The following APEX1 variants were observed in gnomAD, a reference collection of about 807,000 sequenced individuals.
APEX1 encodes the protein DNA repair nuclease/redox regulator APEX1.
APEX1 carries 32 observed loss-of-function variants against 33.2 expected under a neutral mutation model. The ratio of observed to expected loss-of-function variants is 0.96; its 90% CI spans 0.73 to 1.29. The LOEUF is 1.29. Among genes scored for constraint, APEX1 ranks in the 50% most tolerant of loss-of-function variants. APEX1 has a pLI of 0.00. For synonymous variants in APEX1, 175 were observed against 156.6 expected, an observed-to-expected ratio of 1.12 and a Z score of -0.88; for missense variants, 442 against 395.6, an observed-to-expected ratio of 1.12 and a Z score of -0.99.
In APEX1 at chr14:20,456,796, G is replaced by A. The variant is rs771448375; in HGVS notation, c.375G>A (p.Lys125=). Reference sequence around the variant, plus strand: ...AATACTGGTCAGCTCCTTCGGACAAGGAAGGGTACAGTGGCGTGGGCCTGC... The same window carrying A: ...AATACTGGTCAGCTCCTTCGGACAAAGAAGGGTACAGTGGCGTGGGCCTGC... ...SHQYWSAPSD[K]EGYSGVGLLS... is the part of the protein sequence containing the mutation. The change falls in exon 4 of 5, where the codon AAG becomes AAA. Residue 125 remains lysine (K), a synonymous_variant. Transcript: ENST00000216714. 6.8e-6 allele frequency: 11 copies of A among 1,614,140 alleles called. No individual in the cohort carries two copies. The East Asian group carries it at 1.6e-4, about 23-fold the overall frequency.
rs1677209992 is a variant in APEX1 at position 20,456,129 on chromosome 14, T to C, written c.246+28T>C. 6.8e-6 allele frequency: 11 copies of C among 1,608,318 alleles called. No homozygotes were observed. The Admixed American group carries it at 1.5e-4, about 22-fold the overall frequency. ...GAGTGGAATTTGAGGGAAAGAGACA[T>C]TTTTTAGTATTGAATGGTCTTAGGG... On this transcript the variant is annotated intron_variant, in intron 3 of 4. Coordinates refer to ENST00000216714, the MANE Select transcript of APEX1 (RefSeq NM_001641.4).
Position 20,457,743 on chromosome 14 carries a change from A to C in APEX1, c.*235A>C. 1.7e-6 allele frequency: 1 copy of C among 589,278 alleles called. No individual in the cohort carries two copies. The allele number at this position is 589,278 out of a possible 1,614,324, so 36.5% of individuals were successfully genotyped here. ...TAATGACTTTGTTTGAATTATCCAC[A>C]TGAAAATAAAGAGCCATAGTTTCAG... On this transcript the variant is annotated 3_prime_UTR_variant, in exon 5 of 5. Transcript: ENST00000216714.
chr14:20,457,595 T>C lies in APEX1; in HGVS notation c.*87T>C. The stretch of plus-strand genomic sequence containing the variant: ...AAACACTCTTCAGAGAAATCTGCAT[T>C]CTATTTCTCATGTATAAAACTAGGA... On this transcript the variant is annotated 3_prime_UTR_variant, in exon 5 of 5. Coordinates refer to ENST00000216714, the MANE Select transcript of APEX1 (RefSeq NM_001641.4). 1 of 1,516,352 alleles carries C rather than the reference T, an allele frequency of 6.6e-7. No individual in the cohort carries two copies. The allele number at this position is 1,516,352 out of a possible 1,614,324, so 93.9% of individuals were successfully genotyped here.
Position 20,456,765 on chromosome 14 carries a change from CTCA to C in APEX1, c.348_350del (p.His116del). The C allele has an allele frequency of 6.2e-7, 1 of 1,614,246 alleles. No homozygotes were observed. The highest frequency in any genetic ancestry group is 8.5e-7 in the Non-Finnish European group (1 of 1,180,036). On this transcript the variant is annotated inframe_deletion, in exon 4 of 5. Transcript: ENST00000216714. The stretch of plus-strand genomic sequence containing the variant: ...GAACTTCAGGAGCTGCCTGGACTCT[CTCA>C]TCAATACTGGTCAGCTCCTTCGGAC...
Position 20,457,331 on chromosome 14 carries a change from A to C in APEX1, c.780A>C (p.Thr260=). The C allele has an allele frequency of 6.2e-7, 1 of 1,614,052 alleles. No homozygotes were observed. Among genetic ancestry groups the C allele is most frequent in the Non-Finnish European group, 8.5e-7 (1 of 1,180,008 alleles). Residue 260 remains threonine, a synonymous_variant, in exon 5 of 5, where the codon ACA becomes ACC. Transcript: ENST00000216714. ...GCTTTAGGCACCTCTACCCCAACAC[A>C]CCCTATGCCTACACCTTTTGGACTT... ...ADSFRHLYPN[T]PYAYTFWTYM... is the part of the protein sequence containing the mutation.
In APEX1 at chr14:20,456,633, G is replaced by T. The variant is rs41541122; in HGVS notation, c.247-35G>T. ...TATTCAATAAATGTTCTGCTGAATT[G>T]ATAATACGTTTTCCACCTTTCTTTT... On this transcript the variant is annotated intron_variant, in intron 3 of 4. Transcript: ENST00000216714. The T allele has an allele frequency of 7.7e-3, 12,247 of 1,580,378 alleles. 68 individuals are homozygous for T. The highest frequency in any genetic ancestry group is 9.5e-3 in the Non-Finnish European group (10,918 of 1,150,028).
In APEX1 at chr14:20,457,019, G is replaced by C; in HGVS notation, c.468G>C (p.Arg156=). Residue 156 remains arginine, a synonymous_variant, in exon 5 of 5, where the codon CGG becomes CGC. Transcript: ENST00000216714. ...IGDEEHDQEG[R]VIVAEFDSFV... is the part of the protein sequence containing the mutation. ...ATGAGGAGCATGATCAGGAAGGCCG[G>C]GTGATTGTGGCTGAATTTGACTCGT... is the stretch of plus-strand genomic sequence containing the variant. 1.2e-6 allele frequency: 2 copies of C among 1,614,114 alleles called. No homozygotes were observed. Among genetic ancestry groups the C allele is most frequent in the Non-Finnish European group, 8.5e-7 (1 of 1,179,990 alleles).
intron 1 of APEX1, 48 bp from the exon 2 acceptor site, chr14:20,455,530 G>C (rs998684049): frequency 4.8e-5 from 75 of 1,564,038 alleles, no homozygotes; most frequent in Non-Finnish European, 6.4e-5. Context: ...CTTGGGAGGA[G>C]TCTTCTCCCC....
Position 20,457,093 on chromosome 14 carries a change from G to T in APEX1, c.542G>T (p.Arg181Leu). The T allele has an allele frequency of 1.2e-6, 2 of 1,614,206 alleles. No homozygotes were observed. The highest frequency in any genetic ancestry group is 1.7e-6 in the Non-Finnish European group (2 of 1,180,036). Residue 181 changes from arginine to leucine, a missense_variant, in exon 5 of 5, where the codon CGA becomes CTA. Physicochemically the swap from Arg to Leu is moderately radical, Grantham distance 102. Transcript: ENST00000216714. ...YVPNAGRGLV[R>L]LEYRQRWDEA... ...CCTAATGCAGGCCGAGGTCTGGTAC[G>T]ACTGGAGTACCGGCAGCGCTGGGAT...
In APEX1 at chr14:20,457,724, CT is replaced by C; in HGVS notation, c.*219del. The C allele has an allele frequency of 1.6e-6, 1 of 638,222 alleles. No homozygotes were observed. The highest frequency in any genetic ancestry group is 2.7e-6 in the Non-Finnish European group (1 of 375,940). 39.5% of individuals were successfully genotyped at this position (638,222 alleles called of 1,614,324 possible). On this transcript the variant is annotated 3_prime_UTR_variant, in exon 5 of 5. Coordinates refer to ENST00000216714, the MANE Select transcript of APEX1 (RefSeq NM_001641.4). ...AAAATTGAACAAAGACTACTAATGA[CT>C]TTGTTTGAATTATCCACATGAAAAT... is the stretch of plus-strand genomic sequence containing the variant.
intron 1 of APEX1, 50 bp downstream of exon 1, chr14:20,455,444 G>A (rs1881273051): frequency 1.3e-6 from 1 of 785,088 alleles, no homozygotes; most frequent in Non-Finnish European, 2.1e-6. Context: ...GGGCTGAAGG[G>A]CCTATGATGC....
Position 20,457,343 on chromosome 14 carries a change from C to T in APEX1, c.792C>T (p.Tyr264=), listed in dbSNP as rs749531006. 7 of 1,614,238 alleles carry T rather than the reference C, an allele frequency of 4.3e-6. No individual in the cohort carries two copies. The highest frequency in any genetic ancestry group is 3.3e-5 in the South Asian group (3 of 91,088). The change falls in exon 5 of 5, where the codon TAC becomes TAT. Residue 264 remains tyrosine (Y), a synonymous_variant. Coordinates refer to ENST00000216714, the MANE Select transcript of APEX1 (RefSeq NM_001641.4). Reference sequence around the variant, plus strand: ...TCTACCCCAACACACCCTATGCCTACACCTTTTGGACTTATATGATGAATG... The same window carrying T: ...TCTACCCCAACACACCCTATGCCTATACCTTTTGGACTTATATGATGAATG... The part of the protein sequence containing the change: ...RHLYPNTPYA[Y]TFWTYMMNAR...
intron 3 of APEX1, 102 bp from the exon 4 acceptor site, chr14:20,456,566 A>G (rs2139305385): frequency 8.8e-7 from 1 of 1,132,632 alleles, no homozygotes; most frequent in South Asian, 1.3e-5. Flanking sequence ...TTAGGCCAAG[A>G]GACTGTTTAA....
rs754635292 is a variant in APEX1, at chr14:20,456,020, C to T, written c.165C>T (p.Pro55=). ...YEDPPDQKTS[P]SGKPATLKIC... is the part of the protein sequence containing the mutation. ...ACCCCCCAGATCAGAAAACCTCACC[C>T]AGTGGCAAACCTGCCACACTCAAGA... Residue 55 remains proline, a synonymous_variant, in exon 3 of 5, where the codon CCC becomes CCT. Transcript: ENST00000216714. The T allele has an allele frequency of 6.2e-7, 1 of 1,614,192 alleles. No individual in the cohort carries two copies. The highest frequency in any genetic ancestry group is 8.5e-7 in the Non-Finnish European group (1 of 1,180,044).
rs753254929 is a variant in APEX1 at position 20,455,915 on chromosome 14, G to A, written c.60G>A (p.Glu20=). ...CAGTATATATTACTCATTTTATAGA[G>A]CCAGAGGCCAAGAAGAGTAAGACGG... ...VAEDGDELRT[E]PEAKKSKTAA... Residue 20 remains glutamate (E), a splice_region_variant and synonymous_variant, in exon 3 of 5, where the codon GAG becomes GAA. Coordinates refer to ENST00000216714, the MANE Select transcript of APEX1 (RefSeq NM_001641.4). 17 of 1,613,954 alleles carry A rather than the reference G, an allele frequency of 1.1e-5. No individual in the cohort carries two copies. In the African/African-American group the frequency reaches 1.3e-4, roughly 13 times the overall value.
At position 20,456,166 on chromosome 14, in the gene APEX1, C is replaced by T. The variant is rs17111967; in HGVS notation, c.246+65C>T. 7.1e-3 allele frequency: 11,189 copies of T among 1,565,950 alleles called. 49 individuals carry two copies. The highest frequency in any genetic ancestry group is 8.9e-3 in the Non-Finnish European group (10,147 of 1,137,562). On this transcript the variant is annotated intron_variant, in intron 3 of 4. Transcript: ENST00000216714. ...GAATGGTCTTAGGGTTTAGTCACCC[C>T]TTTTCTCCGTTTAGCCTTCAGGCTG...
In APEX1 at chr14:20,456,017, A is replaced by G; in HGVS notation, c.162A>G (p.Ser54=). Residue 54 remains serine (S), a synonymous_variant, in exon 3 of 5, where the codon TCA becomes TCG. Transcript: ENST00000216714. ...LYEDPPDQKT[S]PSGKPATLKI... ...AGGACCCCCCAGATCAGAAAACCTC[A>G]CCCAGTGGCAAACCTGCCACACTCA... The G allele has an allele frequency of 6.2e-7, 1 of 1,613,582 alleles. No individual in the cohort carries two copies. Among genetic ancestry groups the G allele is most frequent in the Non-Finnish European group, 8.5e-7 (1 of 1,179,750 alleles).
At chr14:20,455,772 C>T (rs778090711) in intron 2 of APEX1, 69 bp downstream of exon 2, 2 of 1,613,886 alleles carry the variant, frequency 1.2e-6, no homozygotes, top group Admixed American at 1.7e-5. Context: ...CCTTGATGTA[C>T]GGTAAGTACG....
rs772111581 is a variant in APEX1, at chr14:20,457,359, A to G, written c.808A>G (p.Met270Val). ...TPYAYTFWTY[M>V]MNARSKNVGW... ...CTATGCCTACACCTTTTGGACTTAT[A>G]TGATGAATGCTCGATCCAAGAATGT... Residue 270 changes from methionine to valine, a missense_variant, in exon 5 of 5, where the codon ATG (methionine) becomes GTG (valine). Met to Val is a conservative substitution (Grantham distance 21, BLOSUM62 1). Transcript: ENST00000216714. The G allele has an allele frequency of 6.8e-6, 11 of 1,614,214 alleles. No homozygotes were observed. Among genetic ancestry groups the G allele is most frequent in the Non-Finnish European group, 9.3e-6 (11 of 1,180,032 alleles).
Sources: allele counts gnomAD v4.1 joint callset, GRCh38; gene constraint gnomAD v4.1.1; transcripts MANE v1.5; gene names NCBI Gene and HGNC (gene_info 2026-07-23, HGNC 2026-07-21).